Variants in CD163L1 observed in about 807,000 individuals in gnomAD.
The protein encoded by CD163L1 is CD163 molecule like 1.
A neutral mutation model predicts 165.4 loss-of-function variants in CD163L1; 124 were observed. That is an observed-to-expected ratio of 0.75 (90% confidence interval 0.65 to 0.87). The LOEUF (loss-of-function observed/expected upper bound fraction) is 0.87. Ranked by LOEUF, CD163L1 falls within the 40% of genes least tolerant of loss-of-function variation. The pLI is 0.00. For missense variants in CD163L1, 1,525 were observed against 1,799.9 expected (o/e 0.85, Z 2.76); for synonymous variants, 585 against 662.2 (o/e 0.88, Z 1.79).
At chr12:7,330,511 A>T in the CD163L1 span, among the ~76,000 whole-genome samples, 1 of 152,104 alleles carries the variant, frequency 6.6e-6, no homozygotes, top group Non-Finnish European at 1.5e-5. Flanking sequence ...CCTCATGGTA[A>T]GTGAGTGTTA....
At chr12:7,371,915 G>A (rs1013980983) in intron 14 of CD163L1, among the ~76,000 whole-genome samples, 23 of 151,796 alleles carry the variant, frequency 1.5e-4, no homozygotes, top group Non-Finnish European at 2.7e-4. Flanking sequence ...TGATACTCAA[G>A]AGTGTAATAT....
intron 4 of CD163L1, among the ~76,000 whole-genome samples, chr12:7,414,741 C>A (rs917129493): frequency 1.3e-5 from 2 of 151,998 alleles, no homozygotes; most frequent in African/African-American, 2.4e-5. Context: ...AAGAAATTCC[C>A]ATAGAGCTAT....
the CD163L1 span, chr12:7,326,900 G>A: frequency 1.4e-6 from 2 of 1,450,104 alleles, no homozygotes; most frequent in African/African-American, 2.9e-5. Context: ...GTAAGCACCT[G>A]TGTTCAGCAT....
the CD163L1 span, among the ~76,000 whole-genome samples, chr12:7,335,356 A>G: frequency 6.6e-6 from 1 of 152,238 alleles, no homozygotes; most frequent in East Asian, 1.9e-4. Context: ...CAACTATCTG[A>G]TCTTTGACAA....
Position 7,378,842 on chromosome 12 carries a change from T to A in CD163L1, c.2371+136A>T, listed in dbSNP as rs1267439341. On this transcript the variant is annotated intron_variant, in intron 9 of 19. Transcript: ENST00000313599. ...TTTTATTATATACCTGTCTTCTAGA[T>A]AGAGGGTAGGATTACTTTTATCTAG... The A allele has an allele frequency of 6.7e-6, 4 of 598,180 alleles. No individual in the cohort carries two copies. The African/African-American group carries it at 7.3e-5, about 11-fold the overall frequency. The allele number at this position is 598,180 out of a possible 1,614,324, so 37.1% of individuals were successfully genotyped here. A position where few individuals can be genotyped will look rare whatever the true frequency, so the allele number is the denominator to read the frequency against.
chr12:7,371,768 G>C (rs762707546), intron 14 of CD163L1, among the ~76,000 whole-genome samples: 1 of 151,908 alleles, frequency 6.6e-6, no homozygotes, highest in Non-Finnish European at 1.5e-5. Flanking sequence ...TAAGATTATA[G>C]TATATCATAT....
the CD163L1 span, chr12:7,323,100 C>T: frequency 1.3e-6 from 1 of 786,710 alleles, no homozygotes. Flanking sequence ...CTACTGGTTT[C>T]AAATAATATA....
At position 7,418,315 on chromosome 12, in the gene CD163L1, T is replaced by C. The variant is rs761562003; in HGVS notation, c.767-11463A>G. On this transcript the variant is annotated intron_variant, in intron 4 of 19. Transcript: ENST00000313599. ...GTCAACAATGAAATCATGATGGAAA[T>C]TTAAAAATTCTTTGAACTGAATGAT... Among the ~76,000 whole-genome samples the C allele has an allele frequency of 7.2e-5, 11 of 152,190 alleles. No individual in the cohort carries two copies. In the East Asian group the frequency reaches 1.2e-3, roughly 16 times the overall value.
downstream of CD163L1, among the ~76,000 whole-genome samples, chr12:7,343,063 T>C (rs1453915962): frequency 6.6e-6 from 1 of 152,002 alleles, no homozygotes; most frequent in Non-Finnish European, 1.5e-5. Context: ...AAACCTCTAG[T>C]TAGATACATT....
At chr12:7,390,794 A>T (rs889546313) in intron 8 of CD163L1, among the ~76,000 whole-genome samples, 2 of 152,202 alleles carry the variant, frequency 1.3e-5, no homozygotes, top group African/African-American at 4.8e-5. Context: ...AGGAAGCCCA[A>T]AGACCAATGA....
the CD163L1 span, among the ~76,000 whole-genome samples, chr12:7,331,106 T>C: frequency 2.6e-5 from 4 of 152,328 alleles, no homozygotes; most frequent in Non-Finnish European, 5.9e-5. Flanking sequence ...ACTTTTCCAA[T>C]GGGCTTAACA....
At position 7,396,188 on chromosome 12, in the gene CD163L1, C is replaced by G. The variant is rs951402538; in HGVS notation, c.1957G>C (p.Asp653His). Residue 653 changes from aspartate (D) to histidine (H), a missense_variant, in exon 8 of 20, where the codon GAT (aspartate) becomes CAT (histidine). Transcript: ENST00000313599. ...GACCAGAGATCTGACTCATCTCCAT[C>G]ACAGGAAACATCATCGAGCCAAATT... ...GKIWLDDVSC[D>H]GDESDLWSCR... The G allele has an allele frequency of 1.2e-6, 2 of 1,614,176 alleles. No homozygotes were observed. The highest frequency in any genetic ancestry group is 1.7e-6 in the Non-Finnish European group (2 of 1,180,026).
chr12:7,416,694 T>C (rs1317244138), intron 4 of CD163L1, among the ~76,000 whole-genome samples: 1 of 152,184 alleles, frequency 6.6e-6, no homozygotes, highest in African/African-American at 2.4e-5. Context: ...CCATTGCTTG[T>C]TTTTGTCAGG....
intron 4 of CD163L1, among the ~76,000 whole-genome samples, chr12:7,411,801 T>C (rs942322755): frequency 2.6e-5 from 4 of 152,212 alleles, no homozygotes; most frequent in Non-Finnish European, 5.9e-5. Flanking sequence ...ATAGAGCTGA[T>C]TTATCTCCAA....
At chr12:7,380,240 T>C (rs1365008876) in intron 8 of CD163L1, among the ~76,000 whole-genome samples, 1 of 151,550 alleles carries the variant, frequency 6.6e-6, no homozygotes, top group Non-Finnish European at 1.5e-5. Flanking sequence ...CCAGCCCAAA[T>C]GCCCATCAAT....
In CD163L1 at chr12:7,400,720, A is replaced by G. The variant is rs139937212; in HGVS notation, c.1409-2136T>C. Among the ~76,000 whole-genome samples the G allele has an allele frequency of 1.1e-4, 16 of 152,302 alleles. No homozygotes were observed. The East Asian group carries it at 2.5e-3, about 24-fold the overall frequency. ...TAATATTACCTTAAAAACAATTCCA[A>G]TGTCAATTCATATTTAGAAGAACAA... On this transcript the variant is annotated intron_variant, in intron 6 of 19. Coordinates refer to ENST00000313599, the MANE Select transcript of CD163L1 (RefSeq NM_174941.6). The surrounding 1 kb of genome is among the most constrained non-coding windows in gnomAD (Gnocchi z 4.1).
At chr12:7,431,147 G>A (rs1948620718) in intron 4 of CD163L1, among the ~76,000 whole-genome samples, 1 of 152,120 alleles carries the variant, frequency 6.6e-6, no homozygotes, top group Non-Finnish European at 1.5e-5. Flanking sequence ...CTTCAGCCGG[G>A]TGCGGTGGCT....
Position 7,398,496 on chromosome 12 carries a change from A to G in CD163L1, c.1497T>C (p.Thr499=), listed in dbSNP as rs1947826508. 10 of 1,613,924 alleles carry G rather than the reference A, an allele frequency of 6.2e-6. No homozygotes were observed. In the East Asian group the frequency reaches 2.2e-4, roughly 36 times the overall value. ...TTGTGCTCCATCTGTCATGACACAC[A>G]GTCCCCCACTCTCCTTGGTATTTCA... ...LEVKYQGEWG[T]VCHDRWSTRN... is the part of the protein sequence containing the mutation. The change falls in exon 7 of 20, where the codon ACT becomes ACC. Residue 499 remains threonine, a synonymous_variant. Coordinates refer to ENST00000313599, the MANE Select transcript of CD163L1 (RefSeq NM_174941.6). The surrounding 1 kb of genome is among the most constrained non-coding windows in gnomAD (Gnocchi z 4.5).
intron 17 of CD163L1, among the ~76,000 whole-genome samples, 194 bp downstream of exon 17, chr12:7,367,893 C>T (rs1947056328): frequency 6.6e-6 from 1 of 152,210 alleles, no homozygotes; most frequent in Admixed American, 6.5e-5. Context: ...TAAAAGATTA[C>T]ATTTGTGTAA....
Sources: allele counts gnomAD v4.1 joint callset (sites outside exome capture counted in the v4.1 genomes callset), GRCh38; gene constraint gnomAD v4.1.1; non-coding constraint Gnocchi (gnomAD v3.1); transcripts MANE v1.5; gene names NCBI Gene and HGNC (gene_info 2026-07-23, HGNC 2026-07-21).